TSPAN5: variants seen among roughly 807,000 people sequenced by gnomAD.
TSPAN5 encodes the protein tetraspanin 5.
In TSPAN5, 10 loss-of-function variants were observed where a neutral mutation model predicts 37.1. The observed-to-expected ratio is 0.27, with a 90% CI of 0.17 to 0.46. The LOEUF (loss-of-function observed/expected upper bound fraction) is 0.46. TSPAN5 is among the 20% of genes least tolerant of loss of function. TSPAN5 has a pLI of 1.00. For missense variants in TSPAN5, 195 were observed against 326.6 expected (o/e 0.60, Z 3.11); for synonymous variants, 110 against 118.9 (o/e 0.93, Z 0.48).
At chr4:98,645,162 C>T (rs1444027675) in intron 1 of TSPAN5, among the ~76,000 whole-genome samples, 10 of 152,122 alleles carry the variant, frequency 6.6e-5, no homozygotes, top group Non-Finnish European at 1.5e-4. Context: ...GAGAAAGTCT[C>T]CATTTGATGC....
At chr4:98,531,062 AT>A (rs1179348562) in intron 1 of TSPAN5, among the ~76,000 whole-genome samples, 1 of 151,860 alleles carries the variant, frequency 6.6e-6, no homozygotes, top group Non-Finnish European at 1.5e-5. Context: ...ACACTTCTCT[AT>A]TTTTATTTAT....
chr4:98,486,209 C>G (rs375942155), intron 3 of TSPAN5, among the ~76,000 whole-genome samples: 1 of 152,148 alleles, frequency 6.6e-6, no homozygotes, highest in Non-Finnish European at 1.5e-5. Context: ...TCACGCCAAC[C>G]GCACCACATC....
At chr4:98,615,531 G>A (rs993937179) in intron 1 of TSPAN5, among the ~76,000 whole-genome samples, 8 of 152,288 alleles carry the variant, frequency 5.3e-5, no homozygotes, top group Non-Finnish European at 8.8e-5. Flanking sequence ...AAACACAGAC[G>A]TTGATGGCCG....
intron 1 of TSPAN5, among the ~76,000 whole-genome samples, chr4:98,562,794 G>C (rs1754911377): frequency 6.6e-6 from 1 of 152,180 alleles, no homozygotes; most frequent in Non-Finnish European, 1.5e-5. Flanking sequence ...TATATAAAAA[G>C]AGAGACTAAG....
chr4:98,478,647 G>GTACA, intron 5 of TSPAN5, 38 bp downstream of exon 5: 5 of 1,613,804 alleles, frequency 3.1e-6, no homozygotes, highest in Non-Finnish European at 4.2e-6. Context: ...TCGGCATGAT[G>GTACA]TACAGAGTAG....
intron 1 of TSPAN5, among the ~76,000 whole-genome samples, chr4:98,515,640 A>T (rs1753711985): frequency 6.6e-6 from 1 of 152,050 alleles, no homozygotes; most frequent in African/African-American, 2.4e-5. Context: ...GTGACCTGGG[A>T]TTAGATAACA....
intron 1 of TSPAN5, among the ~76,000 whole-genome samples, chr4:98,522,491 T>C (rs1165352671): frequency 6.6e-6 from 1 of 152,240 alleles, no homozygotes; most frequent in African/African-American, 2.4e-5. Context: ...TCAAGCTCTG[T>C]TTTCATATTT....
intron 1 of TSPAN5, among the ~76,000 whole-genome samples, chr4:98,560,698 A>T (rs951022525): frequency 2.0e-5 from 3 of 152,346 alleles, no homozygotes; most frequent in Admixed American, 6.5e-5. Context: ...ATGCTGTGCC[A>T]TCATGACACT....
intron 1 of TSPAN5, among the ~76,000 whole-genome samples, chr4:98,640,844 C>T (rs871473): frequency 0.27 from 40,717 of 152,096 alleles, 5,747 homozygotes; most frequent in South Asian, 0.43. Context: ...GAGTGGGTCA[C>T]CTACTGGTCC....
At chr4:98,484,278 G>T in intron 3 of TSPAN5, 1 of 370,302 alleles carries the variant, frequency 2.7e-6, no homozygotes, top group East Asian at 7.2e-5. Flanking sequence ...AACCAAGAAG[G>T]TCTATTTCCA....
At chr4:98,607,954 G>A (rs888772598) in intron 1 of TSPAN5, among the ~76,000 whole-genome samples, 6 of 152,006 alleles carry the variant, frequency 3.9e-5, no homozygotes, top group South Asian at 2.1e-4. Context: ...CAAGTGATCC[G>A]CCTGCCTCGG....
intron 1 of TSPAN5, among the ~76,000 whole-genome samples, chr4:98,628,877 T>C (rs565906783): frequency 2.4e-4 from 36 of 152,350 alleles, no homozygotes; most frequent in Non-Finnish European, 5.0e-4. Flanking sequence ...GTTAATATTA[T>C]GGATAAATTA....
chr4:98,572,929 C>T (rs1755158932), intron 1 of TSPAN5, among the ~76,000 whole-genome samples: 1 of 152,188 alleles, frequency 6.6e-6, no homozygotes, highest in Non-Finnish European at 1.5e-5. Context: ...GAATCTTGCC[C>T]ACTGCATAAT....
intron 1 of TSPAN5, among the ~76,000 whole-genome samples, chr4:98,552,354 C>T (rs1188840089): frequency 6.6e-6 from 1 of 152,174 alleles, no homozygotes; most frequent in East Asian, 1.9e-4. Context: ...CCTCTTAGTA[C>T]TGCTTTTGCA....
At chr4:98,629,186 TA>T (rs1756686233) in intron 1 of TSPAN5, among the ~76,000 whole-genome samples, 1 of 152,242 alleles carries the variant, frequency 6.6e-6, no homozygotes, top group African/African-American at 2.4e-5. Context: ...ATAATTTGTC[TA>T]TGAACTATTT....
Position 98,514,343 on chromosome 4 carries a change from A to G in TSPAN5, c.82-6615T>C, listed in dbSNP as rs963874258. 3.3e-5 allele frequency among the ~76,000 whole-genome samples: 5 copies of G among 152,288 alleles called. No individual in the cohort carries two copies. The South Asian group carries it at 1.0e-3, about 32-fold the overall frequency. On this transcript the variant is annotated intron_variant, in intron 1 of 7. Coordinates refer to ENST00000305798, the MANE Select transcript of TSPAN5 (RefSeq NM_005723.4). ...ACACTCGTTTTAGCAGGGTCCACAC[A>G]AATGTGCTAAATACTTATAATAACA...
intron 7 of TSPAN5, among the ~76,000 whole-genome samples, chr4:98,473,920 T>C (rs1333018571): frequency 6.6e-6 from 1 of 152,214 alleles, no homozygotes; most frequent in Non-Finnish European, 1.5e-5. Context: ...TCACCATGCC[T>C]GGCTGCCCAT....
intron 1 of TSPAN5, among the ~76,000 whole-genome samples, chr4:98,575,782 A>C (rs1755220768): frequency 6.6e-6 from 1 of 151,924 alleles, no homozygotes; most frequent in Non-Finnish European, 1.5e-5. Context: ...AAAAAAAAAA[A>C]AAAAAGTGGC....
chr4:98,621,105 G>C (rs1224094849), intron 1 of TSPAN5, among the ~76,000 whole-genome samples: 1 of 152,116 alleles, frequency 6.6e-6, no homozygotes, highest in East Asian at 1.9e-4. Context: ...CACACAAGGA[G>C]ACCACCATGT....
Sources: allele counts gnomAD v4.1 joint callset (sites outside exome capture counted in the v4.1 genomes callset), GRCh38; gene constraint gnomAD v4.1.1; transcripts MANE v1.5; gene names NCBI Gene and HGNC (gene_info 2026-07-23, HGNC 2026-07-21).